PREX1: variants seen among roughly 807,000 people sequenced by gnomAD.
PREX1 encodes the protein phosphatidylinositol 3,4,5-trisphosphate-dependent Rac exchanger 1 protein.
Under a neutral mutation model 198.3 loss-of-function variants are expected in PREX1, and 41 were observed. That is an observed-to-expected ratio of 0.21 (90% CI 0.16 to 0.27). The LOEUF is 0.27. PREX1 is among the 10% of genes least tolerant of loss of function. PREX1 has a pLI of 1.00. For synonymous variants in PREX1, 843 were observed against 887.2 expected, an observed-to-expected ratio of 0.95 and a Z score of 0.89; for missense variants, 1,620 against 2,200.7, an observed-to-expected ratio of 0.74 and a Z score of 5.28.
Position 48,734,563 on chromosome 20 carries a change from C to T in PREX1, c.502G>A (p.Val168Met), listed in dbSNP as rs1175268392. 10 of 1,613,890 alleles carry T rather than the reference C, an allele frequency of 6.2e-6. No homozygotes were observed. The highest frequency in any genetic ancestry group is 4.5e-5 in the East Asian group (2 of 44,894). ...LLVELNKIPT[V>M]RAFLLSCMLL... The stretch of plus-strand genomic sequence containing the variant: ...CAACTTACCAAAAGGAAGGCGCGCA[C>T]GGTAGGGATCTTGTTCAGCTCCACC... The change falls in exon 4 of 40, where the codon GTG (valine) becomes ATG (methionine). Residue 168 changes from valine to methionine, a missense_variant. Physicochemically the swap from Val to Met is conservative, Grantham distance 21. Coordinates refer to ENST00000371941, the MANE Select transcript of PREX1 (RefSeq NM_020820.4).
At chr20:48,748,464 T>C (rs945493328) in intron 1 of PREX1, among the ~76,000 whole-genome samples, 2 of 151,114 alleles carry the variant, frequency 1.3e-5, no homozygotes, top group African/African-American at 2.4e-5. Flanking sequence ...CACACACACA[T>C]ACACATCTAT....
intron 9 of PREX1, among the ~76,000 whole-genome samples, chr20:48,689,109 TTCA>T (rs902423256): frequency 7.2e-5 from 11 of 152,238 alleles, no homozygotes; most frequent in African/African-American, 2.7e-4. Context: ...TGCTATGTTC[TTCA>T]TCACTTTCCT....
intron 4 of PREX1, among the ~76,000 whole-genome samples, chr20:48,733,629 C>T (rs906105868): frequency 6.6e-6 from 1 of 152,036 alleles, no homozygotes; most frequent in African/African-American, 2.4e-5. Flanking sequence ...ATTTGAACAC[C>T]CAGACTCTGC....
the PREX1 span, among the ~76,000 whole-genome samples, chr20:48,833,505 G>A: frequency 5.4e-5 from 8 of 147,920 alleles, no homozygotes; most frequent in East Asian, 6.0e-4. Context: ...GCAATGCCGC[G>A]ATCTCGGCTC....
At chr20:48,659,884 G>T in intron 16 of PREX1, 35 bp downstream of exon 16, 1 of 1,612,920 alleles carries the variant, frequency 6.2e-7, no homozygotes. Context: ...GGGGGCTCTG[G>T]CAAGGAAGGG....
At chr20:48,828,063 G>A (rs1239992236), upstream of PREX1, among the ~76,000 whole-genome samples, 1 of 147,070 alleles carries the variant, frequency 6.8e-6, no homozygotes, top group Non-Finnish European at 1.5e-5. Flanking sequence ...GGGCGGGAGG[G>A]GGCGGCCCTC....
chr20:48,631,342 A>T (rs941293651), intron 35 of PREX1, among the ~76,000 whole-genome samples: 3 of 152,246 alleles, frequency 2.0e-5, no homozygotes, highest in African/African-American at 7.2e-5. Context: ...ACAGGGAGAC[A>T]AGGAGGGCCA....
At chr20:48,687,742 C>CATTTTACA (rs1451515146) in intron 10 of PREX1, among the ~76,000 whole-genome samples, 3 of 152,192 alleles carry the variant, frequency 2.0e-5, no homozygotes, top group Non-Finnish European at 4.4e-5. Flanking sequence ...ACAGCCTGAC[C>CATTTTACA]ATTTTACAAG....
intron 1 of PREX1, among the ~76,000 whole-genome samples, chr20:48,777,270 A>G (rs1486628280): frequency 1.3e-5 from 2 of 152,072 alleles, no homozygotes; most frequent in African/African-American, 4.8e-5. Context: ...TCATGCCCCA[A>G]TTCTCTAACT....
At chr20:48,661,445 ATATAT>A (rs1195927325) in intron 15 of PREX1, among the ~76,000 whole-genome samples, 4 of 53,144 alleles carry the variant, frequency 7.5e-5, no homozygotes, top group Admixed American at 2.2e-4. Context: ...AAAAAAAAAA[ATATAT>A]ATATATATAT....
At chr20:48,746,983 CA>C (rs2090111023) in intron 2 of PREX1, among the ~76,000 whole-genome samples, 6 of 144,514 alleles carry the variant, frequency 4.2e-5, no homozygotes, top group South Asian at 4.3e-4. Context: ...CACACACACA[CA>C]CACACACACA....
rs534770896 is a variant in PREX1 at position 48,675,809 on chromosome 20, C to T, written c.1665+384G>A. On this transcript the variant is annotated intron_variant, in intron 14 of 39. Transcript: ENST00000371941. ...ATCCCAGTGATTTGGGAGGCCGAGG[C>T]GGGCAGATCACAAGGTCAGGAGTTC... is the stretch of plus-strand genomic sequence containing the variant. Among the ~76,000 whole-genome samples, 88 of 152,158 alleles carry T rather than the reference C, an allele frequency of 5.8e-4. 1 individual carries two copies. Among genetic ancestry groups the T allele is most frequent in the Admixed American group, 1.0e-3 (16 of 15,288 alleles).
At chr20:48,840,760 C>A in the PREX1 span, among the ~76,000 whole-genome samples, 2 of 152,318 alleles carry the variant, frequency 1.3e-5, no homozygotes, top group East Asian at 3.9e-4. Context: ...ATTCTGTGAG[C>A]TCCCATAGCT....
chr20:48,765,636 G>A (rs192996589), intron 1 of PREX1, among the ~76,000 whole-genome samples: 2 of 152,318 alleles, frequency 1.3e-5, no homozygotes, highest in East Asian at 1.9e-4. Context: ...GGAGGAGGAC[G>A]GAGCCAGACC....
In PREX1 at chr20:48,691,643, G is replaced by A. The variant is rs575130045; in HGVS notation, c.1037-547C>T. On this transcript the variant is annotated intron_variant, in intron 8 of 39. Transcript: ENST00000371941. This position sits in a 1 kb window ranked among gnomAD's most constrained non-coding sequence, Gnocchi z 5.0. ...AAACCAAGCAAGAACCCCTGCTCTG[G>A]ACAAGCTCAAAAGCACACATACTAG... 4.4e-4 allele frequency among the ~76,000 whole-genome samples: 67 copies of A among 152,306 alleles called. No individual in the cohort carries two copies. Among genetic ancestry groups the A allele is most frequent in the African/African-American group, 1.6e-3 (65 of 41,572 alleles).
intron 30 of PREX1, among the ~76,000 whole-genome samples, chr20:48,638,613 G>A (rs894927537): frequency 2.0e-5 from 3 of 152,172 alleles, no homozygotes; most frequent in Non-Finnish European, 2.9e-5. Context: ...GCAGTGGTGC[G>A]CTCTTGTCAG....
At chr20:48,856,735 A>T in the PREX1 span, among the ~76,000 whole-genome samples, 1 of 152,264 alleles carries the variant, frequency 6.6e-6, no homozygotes, top group East Asian at 1.9e-4. Context: ...TGCAAAACAA[A>T]TTAAATGTGT....
chr20:48,700,561 T>C (rs2089868503), intron 7 of PREX1, among the ~76,000 whole-genome samples, 192 bp downstream of exon 7: 1 of 152,246 alleles, frequency 6.6e-6, no homozygotes, highest in African/African-American at 2.4e-5. Flanking sequence ...TTCTTTTTAC[T>C]TTTTTAAATG....
At chr20:48,647,490 C>T (rs1340347281) in intron 25 of PREX1, among the ~76,000 whole-genome samples, 1 of 134,878 alleles carries the variant, frequency 7.4e-6, no homozygotes, top group Non-Finnish European at 1.5e-5. Context: ...CACTGCATTG[C>T]AGCCTGGTGA....
Sources: gnomAD v4.1 joint callset for allele counts (sites outside exome capture counted in the v4.1 genomes callset) on GRCh38, gnomAD v4.1.1 for gene constraint, Gnocchi (gnomAD v3.1) non-coding constraint, MANE v1.5 for transcripts, NCBI Gene and HGNC (gene_info 2026-07-23, HGNC 2026-07-21) for gene names.